RPH3A: variants seen among roughly 807,000 people sequenced by gnomAD.
The protein encoded by RPH3A is rabphilin 3A.
A neutral mutation model predicts 102.2 loss-of-function variants in RPH3A; 48 were observed. The observed-to-expected ratio is 0.47, with a 90% CI of 0.37 to 0.60. The LOEUF is 0.60. Ranked by LOEUF, RPH3A falls within the 20% of genes least tolerant of loss-of-function variation. The pLI is 0.00. For missense variants in RPH3A, 781 were observed against 910.1 expected, an observed-to-expected ratio of 0.86 and a Z score of 1.83; for synonymous variants, 310 against 324.3, an observed-to-expected ratio of 0.96 and a Z score of 0.47.
chr12:112,658,945 CACTT>C (rs996682040), intron 1 of RPH3A, among the ~76,000 whole-genome samples: 1 of 152,146 alleles, frequency 6.6e-6, no homozygotes, highest in Non-Finnish European at 1.5e-5. Context: ...ATTGAGAACT[CACTT>C]TATACCAGGC....
chr12:112,711,175 A>G (rs1420481810), intron 1 of RPH3A, among the ~76,000 whole-genome samples: 5 of 152,202 alleles, frequency 3.3e-5, no homozygotes, highest in Admixed American at 3.3e-4. Flanking sequence ...TGCTTATTAA[A>G]TACTTACAGT....
chr12:112,712,867 A>G (rs530096168), intron 1 of RPH3A, among the ~76,000 whole-genome samples: 2 of 147,674 alleles, frequency 1.4e-5, no homozygotes, highest in African/African-American at 5.2e-5. Flanking sequence ...CACCACACCC[A>G]GCTCACTTTT....
chr12:112,887,784 G>A lies in RPH3A; in HGVS notation c.1437-13G>A. The A allele has an allele frequency of 6.2e-7, 1 of 1,612,780 alleles. No individual in the cohort carries two copies. The highest frequency in any genetic ancestry group is 8.5e-7 in the Non-Finnish European group (1 of 1,179,208). On this transcript the variant is annotated splice_polypyrimidine_tract_variant and intron_variant, in intron 16 of 21. Transcript: ENST00000389385. Reference sequence around the variant, plus strand: ...TTCCTGTTTCTCTCTCTACCCCCTTGTGTTGGTGGCAGGATCTCCGTCTGT... The same window carrying A: ...TTCCTGTTTCTCTCTCTACCCCCTTATGTTGGTGGCAGGATCTCCGTCTGT...
intron 1 of RPH3A, among the ~76,000 whole-genome samples, chr12:112,658,927 C>T (rs1016619736): frequency 1.3e-5 from 2 of 152,174 alleles, no homozygotes; most frequent in African/African-American, 4.8e-5. Context: ...CTGATATTAA[C>T]AGTTAACATT....
chr12:112,751,399 G>T (rs1477800592), intron 1 of RPH3A, among the ~76,000 whole-genome samples: 2 of 152,116 alleles, frequency 1.3e-5, no homozygotes, highest in African/African-American at 2.4e-5. Context: ...ACGTTGAAAG[G>T]TTACACACCT....
At chr12:112,630,068 T>G (rs981936340) in intron 1 of RPH3A, among the ~76,000 whole-genome samples, 1 of 152,006 alleles carries the variant, frequency 6.6e-6, no homozygotes, top group Non-Finnish European at 1.5e-5. Flanking sequence ...GTTTTTGCCT[T>G]CATAGGGTAA....
rs778080324 is a variant in RPH3A, at chr12:112,895,851, C to T, written c.1932C>T (p.Ile644=). The change falls in exon 21 of 22, where the codon ATC becomes ATT. Residue 644 remains isoleucine, a synonymous_variant. Coordinates refer to ENST00000389385, the MANE Select transcript of RPH3A (RefSeq NM_001143854.2). ...ACATTTCAGTCTGGGACTATGACAT[C>T]GGCAAGTCCAATGATTACATCGGTG... The part of the protein sequence containing the change: ...SLDISVWDYD[I]GKSNDYIGGC... The T allele has an allele frequency of 6.2e-5, 100 of 1,612,716 alleles. No homozygotes were observed. Among genetic ancestry groups the T allele is most frequent in the Admixed American group, 1.3e-4 (8 of 60,008 alleles).
chr12:112,876,809 C>A lies in RPH3A; in HGVS notation c.1114C>A (p.Pro372Thr), dbSNP rs970573148. The A allele has an allele frequency of 1.2e-6, 2 of 1,610,252 alleles. No individual in the cohort carries two copies. Among genetic ancestry groups the A allele is most frequent in the African/African-American group, 2.7e-5 (2 of 74,790 alleles). ...CCCCCAGCCTGCTGCAGCCCGCCAG[C>A]CACCACCCCCAGAGGAGGAGGAAGA... ...AAPQPAAARQ[P>T]PPPEEEEEEA... The change falls in exon 13 of 22, where the codon CCA becomes ACA. Residue 372 changes from proline to threonine, a missense_variant. Physicochemically the swap from Pro to Thr is conservative, Grantham distance 38. Around this residue, in one of 2 missense-constraint regions of RPH3A, gnomAD observed 730 missense variants for 810.0 expected, o/e 0.90. Transcript: ENST00000389385.
Position 112,832,570 on chromosome 12 carries a change from T to C in RPH3A, c.72-3921T>C, listed in dbSNP as rs555544972. ...ATTAAGATATATATTAGCCAGGAAC[T>C]GTGGCTCACACCTATAATCACAGCA... On this transcript the variant is annotated intron_variant, in intron 3 of 21. Coordinates refer to ENST00000389385, the MANE Select transcript of RPH3A (RefSeq NM_001143854.2). Among the ~76,000 whole-genome samples the C allele has an allele frequency of 2.0e-5, 3 of 152,320 alleles. No individual in the cohort carries two copies. The East Asian group carries it at 5.8e-4, about 29-fold the overall frequency.
chr12:112,663,221 A>G (rs1334189246), intron 1 of RPH3A, among the ~76,000 whole-genome samples: 1 of 151,998 alleles, frequency 6.6e-6, no homozygotes, highest in Non-Finnish European at 1.5e-5. Flanking sequence ...TCTTTGTTTT[A>G]GTGGTGGGGA....
rs1027249241 is a variant in RPH3A at position 112,891,163 on chromosome 12, AG to A, written c.1775+161del. On this transcript the variant is annotated intron_variant, in intron 19 of 21. Coordinates refer to ENST00000389385, the MANE Select transcript of RPH3A (RefSeq NM_001143854.2). The stretch of plus-strand genomic sequence containing the variant: ...GTGAAACAAATGCCTACAACTGGCA[AG>A]AATGTGGGTCTGGAGTCTCAGGCAG... 1.0e-5 allele frequency: 8 copies of A among 771,624 alleles called. No homozygotes were observed. In the Admixed American group the frequency reaches 1.7e-4, roughly 16 times the overall value. The allele number at this position is 771,624 out of a possible 1,614,324, so 47.8% of individuals were successfully genotyped here.
At chr12:112,765,773 C>T (rs2040884344) in intron 1 of RPH3A, among the ~76,000 whole-genome samples, 1 of 152,190 alleles carries the variant, frequency 6.6e-6, no homozygotes, top group Non-Finnish European at 1.5e-5. Flanking sequence ...ACTGGAACCA[C>T]ACCTCGCTCA....
chr12:112,782,776 G>A (rs2041018291), intron 1 of RPH3A, among the ~76,000 whole-genome samples: 1 of 152,078 alleles, frequency 6.6e-6, no homozygotes, highest in South Asian at 2.1e-4. Flanking sequence ...ACTTCCCCTG[G>A]TATGGGATGT....
At chr12:112,883,551 A>G (rs938503924) in intron 16 of RPH3A, 149 bp downstream of exon 16, 4 of 619,554 alleles carry the variant, frequency 6.5e-6, no homozygotes, top group African/African-American at 5.5e-5. Context: ...TTACCAAAAA[A>G]TGATATATAT....
At chr12:112,836,434 ATT>A in intron 3 of RPH3A, 55 bp from the exon 4 acceptor site, 1 of 1,088,928 alleles carries the variant, frequency 9.2e-7, no homozygotes, top group African/African-American at 1.6e-5. Context: ...TATTGTTATG[ATT>A]TCTTACCTAA....
intron 1 of RPH3A, among the ~76,000 whole-genome samples, chr12:112,744,950 A>G (rs1417028503): frequency 2.0e-5 from 3 of 152,208 alleles, no homozygotes; most frequent in Non-Finnish European, 2.9e-5. Context: ...TCTCTCCAAC[A>G]TTATCATCTA....
intron 14 of RPH3A, among the ~76,000 whole-genome samples, chr12:112,881,122 T>C (rs1242886548): frequency 6.6e-6 from 1 of 152,076 alleles, no homozygotes; most frequent in Non-Finnish European, 1.5e-5. Context: ...AGCCCAGAGG[T>C]GGGACATCTG....
At chr12:112,787,692 G>T (rs1203237912), upstream of RPH3A, among the ~76,000 whole-genome samples, 1 of 152,206 alleles carries the variant, frequency 6.6e-6, no homozygotes, top group Non-Finnish European at 1.5e-5. Flanking sequence ...CCTCAGGCTA[G>T]TTGCTTTAGG....
chr12:112,799,810 C>T (rs980036761), intron 2 of RPH3A, among the ~76,000 whole-genome samples: 8 of 152,218 alleles, frequency 5.3e-5, no homozygotes, highest in African/African-American at 1.9e-4. Context: ...CTTGAGCCTG[C>T]ATCAGAACCC....
Sources: allele counts gnomAD v4.1 joint callset (sites outside exome capture counted in the v4.1 genomes callset), GRCh38; gene constraint gnomAD v4.1.1; regional missense constraint gnomAD v4.1.1; transcripts MANE v1.5; gene names NCBI Gene and HGNC (gene_info 2026-07-23, HGNC 2026-07-21).